The following ZFPM2 variants were observed in gnomAD, a reference collection of about 807,000 sequenced individuals.
The protein encoded by ZFPM2 is zinc finger protein ZFPM2.
Under a neutral mutation model 98.6 loss-of-function variants are expected in ZFPM2, and 20 were observed. That is an observed-to-expected ratio of 0.20 (90% CI 0.14 to 0.29). The LOEUF (loss-of-function observed/expected upper bound fraction) is 0.29, where lower values mean the gene tolerates loss of function less well. ZFPM2 is among the 10% of genes least tolerant of loss of function. The pLI is 1.00. For synonymous variants in ZFPM2, 518 were observed against 502.7 expected (o/e 1.03, Z -0.41); for missense variants, 1,310 against 1,388.6 (o/e 0.94, Z 0.90).
rs955902467 is a variant in ZFPM2 at position 105,710,229 on chromosome 8, G to A, written c.532+75872G>A. ...AAATCTCAGTGGTCTGTAAAACCAA[G>A]TACTGCTTTTCATTTATGCAACATG... On this transcript the variant is annotated intron_variant, in intron 5 of 7. Transcript: ENST00000407775. Among the ~76,000 whole-genome samples the A allele has an allele frequency of 3.3e-5, 5 of 152,122 alleles. No individual in the cohort carries two copies. In the South Asian group the frequency reaches 1.0e-3, roughly 32 times the overall value.
intron 5 of ZFPM2, among the ~76,000 whole-genome samples, chr8:105,764,845 T>C (rs1053511443): frequency 2.6e-5 from 4 of 151,856 alleles, no homozygotes; most frequent in Non-Finnish European, 5.9e-5. Context: ...AAGTATTTGA[T>C]AAGCATTTGA....
chr8:105,425,957 C>T (rs1811899498), intron 2 of ZFPM2, among the ~76,000 whole-genome samples: 1 of 152,068 alleles, frequency 6.6e-6, no homozygotes, highest in Non-Finnish European at 1.5e-5. Flanking sequence ...TTCTTATGTT[C>T]AGTTTATTAT....
intron 5 of ZFPM2, among the ~76,000 whole-genome samples, chr8:105,756,292 T>A (rs1034201138): frequency 5.9e-5 from 9 of 152,206 alleles, no homozygotes; most frequent in African/African-American, 2.2e-4. Context: ...AATCTGTGAT[T>A]GCTTCCACAG....
In ZFPM2 at chr8:105,602,329, C is replaced by A. The variant is rs144543078; in HGVS notation, c.421-31917C>A. Among the ~76,000 whole-genome samples, 344 of 152,078 alleles carry A rather than the reference C, an allele frequency of 2.3e-3. 2 individuals carry two copies. Among genetic ancestry groups the A allele is most frequent in the African/African-American group, 7.8e-3 (322 of 41,500 alleles). The stretch of plus-strand genomic sequence containing the variant: ...AGGATTGGTTTTTGTTCTGTGGATG[C>A]AAATTACAGGAAGATAGATTTTAGT... On this transcript the variant is annotated intron_variant, in intron 4 of 7. Coordinates refer to ENST00000407775, the MANE Select transcript of ZFPM2 (RefSeq NM_012082.4).
intron 4 of ZFPM2, among the ~76,000 whole-genome samples, chr8:105,624,246 C>G (rs986141524): frequency 3.3e-5 from 5 of 152,142 alleles, no homozygotes; most frequent in Admixed American, 2.0e-4. Flanking sequence ...TTTCTCTTCC[C>G]AGAGATTCAG....
At chr8:105,701,248 A>G (rs2130957222) in intron 5 of ZFPM2, among the ~76,000 whole-genome samples, 1 of 152,308 alleles carries the variant, frequency 6.6e-6, no homozygotes, top group African/African-American at 2.4e-5. Context: ...CTACTTGGAA[A>G]AAGACAGAAA....
intron 5 of ZFPM2, among the ~76,000 whole-genome samples, chr8:105,645,453 T>A (rs1406702810): frequency 2.6e-5 from 4 of 152,234 alleles, no homozygotes; most frequent in Non-Finnish European, 5.9e-5. Context: ...TCTTTTCTCT[T>A]GCCTATTCTG....
chr8:105,670,080 T>C (rs949445968), intron 5 of ZFPM2: 8 of 152,146 alleles, frequency 5.3e-5, no homozygotes, highest in Admixed American at 4.6e-4. Flanking sequence ...CTGAGAGATA[T>C]ATGTTCTCTT....
intron 4 of ZFPM2, among the ~76,000 whole-genome samples, chr8:105,606,407 G>A (rs1447900852): frequency 2.0e-5 from 3 of 151,652 alleles, no homozygotes; most frequent in African/African-American, 4.8e-5. Context: ...GAGAGCTCGG[G>A]CACTGGAGTT....
At chr8:105,754,725 T>G (rs527780693) in intron 5 of ZFPM2, among the ~76,000 whole-genome samples, 1 of 152,060 alleles carries the variant, frequency 6.6e-6, no homozygotes, top group African/African-American at 2.4e-5. Context: ...TGTGATTTTT[T>G]CCCCCTTTTT....
intron 1 of ZFPM2, among the ~76,000 whole-genome samples, chr8:105,380,676 T>TATATATATTATATATAACATATATATTA (rs1810841626): frequency 7.0e-5 from 1 of 14,202 alleles, no homozygotes; most frequent in East Asian, 1.2e-3. Flanking sequence ...AACATATATA[T>TATATATATTATATATAACATATATATTA]TATATATATA....
intron 3 of ZFPM2, among the ~76,000 whole-genome samples, chr8:105,523,625 A>G (rs183441924): frequency 6.6e-5 from 10 of 152,284 alleles, no homozygotes; most frequent in Admixed American, 2.0e-4. Context: ...GCTCTATTGC[A>G]TCTGTCAATT....
chr8:105,489,037 T>A (rs2130422736), intron 3 of ZFPM2, among the ~76,000 whole-genome samples: 1 of 152,296 alleles, frequency 6.6e-6, no homozygotes, highest in East Asian at 1.9e-4. Flanking sequence ...CTACCTGTAA[T>A]ATTCATAAGT....
chr8:105,747,380 G>A (rs1812372782), intron 5 of ZFPM2, among the ~76,000 whole-genome samples: 1 of 152,050 alleles, frequency 6.6e-6, no homozygotes, highest in Non-Finnish European at 1.5e-5. Flanking sequence ...TGAGTGTAAA[G>A]AATAAAGACA....
intron 4 of ZFPM2, among the ~76,000 whole-genome samples, chr8:105,610,250 A>G (rs1816281414): frequency 6.6e-6 from 1 of 152,154 alleles, no homozygotes; most frequent in Non-Finnish European, 1.5e-5. Flanking sequence ...AGCTTAGCTT[A>G]TCATATACCT....
At chr8:105,405,404 G>A (rs552522892) in intron 1 of ZFPM2, among the ~76,000 whole-genome samples, 75 of 151,488 alleles carry the variant, frequency 5.0e-4, no homozygotes, top group Non-Finnish European at 8.6e-4. Context: ...AGCATTAGAT[G>A]TATCTCCTAA....
chr8:105,759,904 C>T (rs1282493761), intron 5 of ZFPM2, among the ~76,000 whole-genome samples: 1 of 151,944 alleles, frequency 6.6e-6, no homozygotes, highest in Non-Finnish European at 1.5e-5. Flanking sequence ...CATGTGTTGG[C>T]CATTCTGATA....
intron 5 of ZFPM2, among the ~76,000 whole-genome samples, chr8:105,752,324 CCGT>C (rs1431567139): frequency 5.9e-5 from 9 of 152,082 alleles, no homozygotes; most frequent in Non-Finnish European, 1.0e-4. Context: ...CTTCTGTGTT[CCGT>C]CGTCAAGAAC....
chr8:105,622,042 G>A (rs1816562056), intron 4 of ZFPM2, among the ~76,000 whole-genome samples: 1 of 151,456 alleles, frequency 6.6e-6, no homozygotes, highest in South Asian at 2.1e-4. Flanking sequence ...AAATCCAAAA[G>A]TAATGCTGAT....
Sources: allele counts gnomAD v4.1 joint callset (sites outside exome capture counted in the v4.1 genomes callset), GRCh38; gene constraint gnomAD v4.1.1; transcripts MANE v1.5; gene names NCBI Gene and HGNC (gene_info 2026-07-23, HGNC 2026-07-21).